RND3: variants seen among roughly 807,000 people sequenced by gnomAD.
RND3 encodes Rho family GTPase 3, also known as rho-related GTP-binding protein RhoE.
Under a neutral mutation model 26.5 loss-of-function variants are expected in RND3, and 8 were observed. The ratio of observed to expected loss-of-function variants is 0.30; its 90% CI spans 0.18 to 0.54. The LOEUF is 0.54. RND3 is among the 20% of genes least tolerant of loss of function. The pLI, the probability that RND3 is intolerant of heterozygous loss-of-function variation, is 0.94. For synonymous variants in RND3, 113 were observed against 113.0 expected, an observed-to-expected ratio of 1.00 and a Z score of 0.00; for missense variants, 207 against 302.8, an observed-to-expected ratio of 0.68 and a Z score of 2.35.
In RND3 at chr2:150,468,789, A is replaced by C. The variant is rs10185950; in HGVS notation, c.*1198T>G. The C allele has an allele frequency of 0.15, 22,616 of 152,616 alleles. 1,805 individuals carry two copies. Among genetic ancestry groups the C allele is most frequent in the African/African-American group, 0.2 (8,374 of 41,516 alleles). 9.5% of individuals were successfully genotyped at this position (152,616 alleles called of 1,614,324 possible). On this transcript the variant is annotated 3_prime_UTR_variant, in exon 6 of 6. Transcript: ENST00000263895. ...ACACAGACCTTGGCTGCATCTGTTC[A>C]GTGAGGTTTTAGCAATGACACTCTA...
At chr2:150,483,349 C>T (rs1686308737) in intron 3 of RND3, among the ~76,000 whole-genome samples, 1 of 152,166 alleles carries the variant, frequency 6.6e-6, no homozygotes, top group Non-Finnish European at 1.5e-5. Context: ...GGACAATGTT[C>T]ATCCCGTATC....
At chr2:150,482,836 G>C (rs759891630) in intron 3 of RND3, among the ~76,000 whole-genome samples, 3 of 152,084 alleles carry the variant, frequency 2.0e-5, no homozygotes, top group Non-Finnish European at 4.4e-5. Flanking sequence ...AGTGGAAAAG[G>C]GCACTGGGGT....
chr2:150,470,439 C>A (rs12692713), intron 5 of RND3, among the ~76,000 whole-genome samples: 150,827 of 152,314 alleles, frequency 0.99, 74,694 homozygotes, highest in Middle Eastern at 1. Context: ...ATTTGCAGTC[C>A]AGAGCCCATC....
In RND3 at chr2:150,486,902, C is replaced by T; in HGVS notation, c.151-121G>A. 1.3e-6 allele frequency: 1 copy of T among 766,966 alleles called. No homozygotes were observed. The highest frequency in any genetic ancestry group is 2.4e-5 in the East Asian group (1 of 40,822). The allele number at this position is 766,966 out of a possible 1,614,324, so 47.5% of individuals were successfully genotyped here. On this transcript the variant is annotated intron_variant, in intron 2 of 5. Coordinates refer to ENST00000263895, the MANE Select transcript of RND3 (RefSeq NM_005168.5). The surrounding 1 kb of genome is among the most constrained non-coding windows in gnomAD (Gnocchi z 4.5). ...CCCCAGTTAAGAAAGAAAACCTTCACACATCAGACCACACACTAAGCACAT... is the reference window on the plus strand; with the variant it reads ...CCCCAGTTAAGAAAGAAAACCTTCATACATCAGACCACACACTAAGCACAT...
intron 4 of RND3, among the ~76,000 whole-genome samples, chr2:150,473,119 G>A (rs1195525296): frequency 1.3e-5 from 2 of 149,502 alleles, no homozygotes; most frequent in Non-Finnish European, 3.0e-5. Flanking sequence ...GGTGGCACTG[G>A]CATTAGAAGT....
chr2:150,482,915 C>G (rs961345390), intron 3 of RND3, among the ~76,000 whole-genome samples: 5 of 151,958 alleles, frequency 3.3e-5, no homozygotes, highest in Admixed American at 2.6e-4. Flanking sequence ...AGAAGAGCTT[C>G]TTTTTCTCCA....
At chr2:150,473,013 C>T (rs1440209007) in intron 4 of RND3, among the ~76,000 whole-genome samples, 1 of 137,470 alleles carries the variant, frequency 7.3e-6, no homozygotes, top group Non-Finnish European at 1.6e-5. Context: ...TCCCTCCCTT[C>T]CTTCCTTCCT....
Position 150,470,055 on chromosome 2 carries a change from T to G in RND3, c.667A>C (p.Arg223=), listed in dbSNP as rs751692058. ...ATKRISHMPS[R]PELSAVATDL... ...GTAGCAACTGCCGAGAGTTCTGGTC[T>G]GCTAGGCATGTGTGAAATCCGCTTT... is the stretch of plus-strand genomic sequence containing the variant. Residue 223 remains arginine, a synonymous_variant, in exon 6 of 6, where the codon AGA becomes CGA. Coordinates refer to ENST00000263895, the MANE Select transcript of RND3 (RefSeq NM_005168.5). 4 of 1,613,982 alleles carry G rather than the reference T, an allele frequency of 2.5e-6. No individual in the cohort carries two copies. In the East Asian group the frequency reaches 6.7e-5, roughly 27 times the overall value.
chr2:150,483,544 A>G (rs896887407), intron 3 of RND3, among the ~76,000 whole-genome samples: 7 of 152,246 alleles, frequency 4.6e-5, no homozygotes, highest in Non-Finnish European at 7.3e-5. Context: ...CAAGAGGCAT[A>G]AGGCATATGC....
At position 150,487,474 on chromosome 2, in the gene RND3, A is replaced by AT. The variant is rs1553461879; in HGVS notation, c.-38-20_-38-19insA. ...ATTTTCTCTTAAGAAGAAAAAAAAA[A>AT]ATATATATATATATATATATTTCTC... On this transcript the variant is annotated intron_variant, in intron 1 of 5. Coordinates refer to ENST00000263895, the MANE Select transcript of RND3 (RefSeq NM_005168.5). The AT allele has an allele frequency of 0.23, 45,717 of 199,524 alleles. 4,852 individuals are homozygous for AT. The highest frequency in any genetic ancestry group is 0.34 in the Admixed American group (4,749 of 13,806). 12.4% of individuals were successfully genotyped at this position (199,524 alleles called of 1,614,324 possible).
At chr2:150,483,178 CAG>C (rs1558871925) in intron 3 of RND3, among the ~76,000 whole-genome samples, 2 of 152,130 alleles carry the variant, frequency 1.3e-5, no homozygotes, top group African/African-American at 2.4e-5. Flanking sequence ...TCCAAATTGG[CAG>C]AGTTTGCCTA....
chr2:150,487,160 C>CTTT (rs1411913210), intron 2 of RND3, 108 bp downstream of exon 2: 43 of 488,922 alleles, frequency 8.8e-5, no homozygotes, highest in South Asian at 4.1e-4. Flanking sequence ...TTTTTTTTTT[C>CTTT]TTTTTTTTTT....
rs1686402897 is a variant in RND3, at chr2:150,487,472, AAAATAT to A, written c.-38-23_-38-18del. On this transcript the variant is annotated intron_variant, in intron 1 of 5. Coordinates refer to ENST00000263895, the MANE Select transcript of RND3 (RefSeq NM_005168.5). Reference sequence around the variant, plus strand: ...GAATTTTCTCTTAAGAAGAAAAAAAAAAATATATATATATATATATATTTCTCTCTT... The same window carrying A: ...GAATTTTCTCTTAAGAAGAAAAAAAAATATATATATATATATTTCTCTCTT... 19 of 344,934 alleles carry A rather than the reference AAAATAT, an allele frequency of 5.5e-5. 1 individual carries two copies. Among genetic ancestry groups the A allele is most frequent in the East Asian group, 8.0e-5 (1 of 12,460 alleles). 21.4% of individuals were successfully genotyped at this position (344,934 alleles called of 1,614,324 possible).
chr2:150,473,448 C>G (rs915384181), intron 4 of RND3, among the ~76,000 whole-genome samples: 1 of 152,126 alleles, frequency 6.6e-6, no homozygotes, highest in Non-Finnish European at 1.5e-5. Flanking sequence ...CCAGACAGAA[C>G]TAGACATGTT....
intron 3 of RND3, among the ~76,000 whole-genome samples, chr2:150,476,197 TTTGA>T (rs1686161829): frequency 6.6e-6 from 1 of 152,156 alleles, no homozygotes; most frequent in African/African-American, 2.4e-5. Flanking sequence ...CACTTTCCAT[TTTGA>T]GCAGAAAAAC....
intron 3 of RND3, among the ~76,000 whole-genome samples, chr2:150,482,463 G>A (rs1418817561): frequency 3.9e-5 from 6 of 152,100 alleles, no homozygotes; most frequent in African/African-American, 1.4e-4. Flanking sequence ...CCCATTGTTT[G>A]GCAGAAACTC....
rs1271092034 is a variant in RND3, at chr2:150,486,681, C to T, written c.238+13G>A. On this transcript the variant is annotated intron_variant, in intron 3 of 5. Transcript: ENST00000263895. The surrounding 1 kb of genome is among the most constrained non-coding windows in gnomAD (Gnocchi z 4.5). The stretch of plus-strand genomic sequence containing the variant: ...AACCCGCCCCAAGCGCCACGCGGTC[C>T]TCCCACTCTTACCCGAAGTGTCCCA... 6.3e-7 allele frequency: 1 copy of T among 1,592,028 alleles called. No homozygotes were observed. The highest frequency in any genetic ancestry group is 8.6e-7 in the Non-Finnish European group (1 of 1,159,800).
Position 150,468,373 on chromosome 2 carries a change from G to A in RND3, c.*1614C>T, listed in dbSNP as rs1156615279. 1 of 152,586 alleles carries A rather than the reference G, an allele frequency of 6.6e-6. No individual in the cohort carries two copies. The highest frequency in any genetic ancestry group is 1.5e-5 in the Non-Finnish European group (1 of 68,032). 9.5% of individuals were successfully genotyped at this position (152,586 alleles called of 1,614,324 possible). On this transcript the variant is annotated 3_prime_UTR_variant, in exon 6 of 6. Transcript: ENST00000263895. ...TTTCTTTTTACAATATTTAAATACA[G>A]AAAGCACTCGCCAGCTATTTTGTAA...
intron 3 of RND3, among the ~76,000 whole-genome samples, chr2:150,476,456 C>G (rs966222522): frequency 6.6e-6 from 1 of 152,190 alleles, no homozygotes; most frequent in Non-Finnish European, 1.5e-5. Flanking sequence ...TTTTCTCTAG[C>G]TCCTTTACGA....
Sources: allele counts gnomAD v4.1 joint callset (sites outside exome capture counted in the v4.1 genomes callset), GRCh38; gene constraint gnomAD v4.1.1; non-coding constraint Gnocchi (gnomAD v3.1); transcripts MANE v1.5; gene names NCBI Gene and HGNC (gene_info 2026-07-23, HGNC 2026-07-21).